Variants in PRKG1 observed in about 807,000 individuals in gnomAD.
PRKG1 encodes the protein protein kinase cGMP-dependent 1, also known as cGMP-dependent protein kinase 1.
A neutral mutation model predicts 88.1 loss-of-function variants in PRKG1; 35 were observed. That is an observed-to-expected ratio of 0.40 (90% CI 0.30 to 0.53). PRKG1 has a LOEUF of 0.53. Among genes scored for constraint, PRKG1 ranks in the 20% least tolerant of loss-of-function variants. The pLI, the probability that PRKG1 is intolerant of heterozygous loss-of-function variation, is 0.59. For missense variants in PRKG1, 540 were observed against 839.8 expected (o/e 0.64, Z 4.41); for synonymous variants, 303 against 292.5 (o/e 1.04, Z -0.37).
chr10:52,214,519 G>A (rs967582699), intron 9 of PRKG1, among the ~76,000 whole-genome samples: 7 of 152,170 alleles, frequency 4.6e-5, no homozygotes, highest in African/African-American at 1.4e-4. Context: ...GAGATTGAGA[G>A]TATGTATGTA....
intron 8 of PRKG1, among the ~76,000 whole-genome samples, chr10:52,147,832 C>G (rs2132661298): frequency 6.6e-6 from 1 of 152,118 alleles, no homozygotes; most frequent in Non-Finnish European, 1.5e-5. Flanking sequence ...GTGATAATGC[C>G]ATTAGAAAGT....
At chr10:51,035,971 G>A (rs1212059012) in intron 1 of PRKG1, among the ~76,000 whole-genome samples, 1 of 151,874 alleles carries the variant, frequency 6.6e-6, no homozygotes, top group Non-Finnish European at 1.5e-5. Context: ...ACTCATATTT[G>A]TCCAGGTAAT....
At chr10:52,064,395 C>A (rs1846307550) in intron 7 of PRKG1, among the ~76,000 whole-genome samples, 1 of 152,210 alleles carries the variant, frequency 6.6e-6, no homozygotes, top group Admixed American at 6.5e-5. Flanking sequence ...GCAGTGGGAG[C>A]AGGCACCTCT....
chr10:51,138,063 A>G (rs1478937540), intron 1 of PRKG1, among the ~76,000 whole-genome samples: 1 of 152,166 alleles, frequency 6.6e-6, no homozygotes, highest in African/African-American at 2.4e-5. Flanking sequence ...TTTACTTTTT[A>G]CTTGTAGATT....
At chr10:51,554,093 ATATATTATATGTGCGTATGTGATACG>A (rs1837233037) in intron 3 of PRKG1, among the ~76,000 whole-genome samples, 1 of 134,642 alleles carries the variant, frequency 7.4e-6, no homozygotes, top group African/African-American at 3.1e-5. Context: ...TGATACGTGT[ATATATTATATGTGCGTATGTGATACG>A]TGTATATATT....
intron 9 of PRKG1, among the ~76,000 whole-genome samples, chr10:52,175,179 T>C (rs533025174): frequency 1.9e-4 from 29 of 152,108 alleles, no homozygotes; most frequent in Non-Finnish European, 3.4e-4. Context: ...TGTTTGACTT[T>C]TTAATTCTAT....
chr10:51,856,383 G>T (rs1370646397), intron 4 of PRKG1, among the ~76,000 whole-genome samples: 1 of 152,164 alleles, frequency 6.6e-6, no homozygotes, highest in Non-Finnish European at 1.5e-5. Context: ...TATCCTTGAA[G>T]TCACATAACA....
chr10:52,017,985 C>G lies in PRKG1; in HGVS notation c.763-36499C>G, dbSNP rs140805800. 9.3e-4 allele frequency among the ~76,000 whole-genome samples: 142 copies of G among 152,240 alleles called. 1 individual carries two copies. Among genetic ancestry groups the G allele is most frequent in the African/African-American group, 3.1e-3 (129 of 41,534 alleles). ...TTGCACTTTTCTCCTATTTTCTGGG[C>G]TGGAGACACTCACATTAATATTCCA... On this transcript the variant is annotated intron_variant, in intron 5 of 17. Transcript: ENST00000373980.
intron 5 of PRKG1, among the ~76,000 whole-genome samples, chr10:51,986,886 C>G (rs1333694071): frequency 6.6e-6 from 1 of 152,158 alleles, no homozygotes; most frequent in Non-Finnish European, 1.5e-5. Flanking sequence ...CTTGAGCATA[C>G]ACAACTTGCT....
chr10:51,059,233 T>A (rs1397553427), intron 1 of PRKG1, among the ~76,000 whole-genome samples: 1 of 152,206 alleles, frequency 6.6e-6, no homozygotes, highest in Admixed American at 6.5e-5. Flanking sequence ...GTTGAATGAA[T>A]GTGGTGATTA....
At chr10:51,709,408 C>G (rs150156098) in intron 3 of PRKG1, among the ~76,000 whole-genome samples, 31 of 152,274 alleles carry the variant, frequency 2.0e-4, no homozygotes, top group Non-Finnish European at 3.5e-4. Flanking sequence ...GACATTTATG[C>G]TGAAATAGCT....
At chr10:51,116,102 G>T (rs1845117322) in intron 1 of PRKG1, among the ~76,000 whole-genome samples, 1 of 152,148 alleles carries the variant, frequency 6.6e-6, no homozygotes, top group South Asian at 2.1e-4. Context: ...CTGCCAGTCG[G>T]TAACTAATTG....
At chr10:52,205,703 T>C (rs1477462942) in intron 9 of PRKG1, among the ~76,000 whole-genome samples, 1 of 152,238 alleles carries the variant, frequency 6.6e-6, no homozygotes, top group Admixed American at 6.5e-5. Flanking sequence ...AAATCTTTGT[T>C]GGAATTTCTT....
intron 3 of PRKG1, among the ~76,000 whole-genome samples, chr10:51,474,517 T>C (rs1311894089): frequency 6.6e-6 from 1 of 151,974 alleles, no homozygotes; most frequent in Non-Finnish European, 1.5e-5. Context: ...CAATGGGCAA[T>C]CAGAACCTAT....
intron 3 of PRKG1, among the ~76,000 whole-genome samples, chr10:51,477,483 C>T (rs1840231983): frequency 6.6e-6 from 1 of 151,828 alleles, no homozygotes; most frequent in Admixed American, 6.6e-5. Context: ...GGGTTCTCAT[C>T]CTTTGCCATT....
intron 5 of PRKG1, among the ~76,000 whole-genome samples, chr10:51,985,939 A>G (rs1339272928): frequency 6.6e-6 from 1 of 152,220 alleles, no homozygotes; most frequent in African/African-American, 2.4e-5. Context: ...AGCTTAGGCT[A>G]GCCTACCTTA....
intron 4 of PRKG1, among the ~76,000 whole-genome samples, chr10:51,859,073 G>C (rs775574156): frequency 2.6e-5 from 4 of 152,174 alleles, no homozygotes; most frequent in Non-Finnish European, 4.4e-5. Flanking sequence ...AGGCCCAGAG[G>C]AAAGGAATAT....
chr10:51,967,360 A>G lies in PRKG1; in HGVS notation c.762+59790A>G, dbSNP rs1843595783. On this transcript the variant is annotated intron_variant, in intron 5 of 17. Coordinates refer to ENST00000373980, the MANE Select transcript of PRKG1 (RefSeq NM_006258.4). ...CTCACTCATAGGTGGGAATTGAACAATGAGAACACATGGACACAGGAAGGG... is the reference window on the plus strand; with the variant it reads ...CTCACTCATAGGTGGGAATTGAACAGTGAGAACACATGGACACAGGAAGGG... Among the ~76,000 whole-genome samples, 3 of 152,032 alleles carry G rather than the reference A, an allele frequency of 2.0e-5. No individual in the cohort carries two copies. In the South Asian group the frequency reaches 6.2e-4, roughly 32 times the overall value.
At chr10:51,871,960 A>T (rs1355755504) in intron 4 of PRKG1, among the ~76,000 whole-genome samples, 1 of 152,164 alleles carries the variant, frequency 6.6e-6, no homozygotes, top group East Asian at 1.9e-4. Context: ...GAAAGGATAA[A>T]AGTTGTATTT....
Sources: allele counts gnomAD v4.1 joint callset (sites outside exome capture counted in the v4.1 genomes callset), GRCh38; gene constraint gnomAD v4.1.1; transcripts MANE v1.5; gene names NCBI Gene and HGNC (gene_info 2026-07-23, HGNC 2026-07-21).